Variants in EPHA5 observed in about 807,000 individuals in gnomAD.
EPHA5 encodes the protein ephrin type-A receptor 5.
EPHA5 carries 60 observed loss-of-function variants against 105.0 expected under a neutral mutation model. The observed-to-expected ratio is 0.57, with a 90% CI of 0.46 to 0.71. EPHA5 has a LOEUF of 0.71. Ranked by LOEUF, EPHA5 falls within the 30% of genes least tolerant of loss-of-function variation. The pLI is 0.00. For synonymous variants in EPHA5, 513 were observed against 449.1 expected (o/e 1.14, Z -1.80); for missense variants, 1,218 against 1,274.7 (o/e 0.96, Z 0.68).
intron 1 of EPHA5, 91 bp from the exon 2 acceptor site, chr4:65,643,518 G>C: frequency 9.5e-7 from 1 of 1,057,150 alleles, no homozygotes. Flanking sequence ...ATTGCATGTT[G>C]TTTACATAAC....
chr4:65,581,852 C>G (rs1168762759), intron 3 of EPHA5, among the ~76,000 whole-genome samples: 6 of 151,630 alleles, frequency 4.0e-5, no homozygotes, highest in Admixed American at 4.0e-4. Context: ...GAGTTTTAAC[C>G]ATGTTTTATT....
intron 3 of EPHA5, among the ~76,000 whole-genome samples, chr4:65,540,951 G>C (rs1366990961): frequency 6.6e-6 from 1 of 150,982 alleles, no homozygotes; most frequent in Non-Finnish European, 1.5e-5. Flanking sequence ...AATGCTTTTG[G>C]ACAAAGAAAA....
At chr4:65,617,185 A>G (rs1457815188) in intron 2 of EPHA5, among the ~76,000 whole-genome samples, 2 of 152,166 alleles carry the variant, frequency 1.3e-5, no homozygotes, top group Admixed American at 1.3e-4. Context: ...TTAGTGAAAT[A>G]CCATATCATA....
chr4:65,528,442 C>T (rs11947260), intron 3 of EPHA5, among the ~76,000 whole-genome samples: 37,578 of 151,806 alleles, frequency 0.25, 4,814 homozygotes, highest in African/African-American at 0.3. Flanking sequence ...TCTTCCTCCG[C>T]CCTCCTCCTA....
intron 3 of EPHA5, among the ~76,000 whole-genome samples, chr4:65,529,520 C>CA (rs527908211): frequency 1.6e-4 from 25 of 151,686 alleles, no homozygotes; most frequent in African/African-American, 5.8e-4. Context: ...AAAAAAACAA[C>CA]AAAAAAAGAA....
At chr4:65,561,505 C>A (rs971306209) in intron 3 of EPHA5, among the ~76,000 whole-genome samples, 2 of 152,094 alleles carry the variant, frequency 1.3e-5, no homozygotes, top group Non-Finnish European at 2.9e-5. Flanking sequence ...GCTTAGCTGG[C>A]AGCTGTGTTT....
At chr4:65,454,228 C>T (rs764665899) in intron 5 of EPHA5, among the ~76,000 whole-genome samples, 30 of 151,978 alleles carry the variant, frequency 2.0e-4, no homozygotes, top group Non-Finnish European at 3.7e-4. Context: ...TGCAGTGAGT[C>T]GAGTTCGTGC....
intron 3 of EPHA5, among the ~76,000 whole-genome samples, chr4:65,508,893 T>G (rs1057232526): frequency 1.3e-5 from 2 of 152,142 alleles, no homozygotes; most frequent in Middle Eastern, 6.3e-3. Context: ...AATATAAATA[T>G]AGTACAGGAA....
chr4:65,599,552 T>C (rs1743510499), intron 3 of EPHA5, among the ~76,000 whole-genome samples: 1 of 152,134 alleles, frequency 6.6e-6, no homozygotes, highest in Admixed American at 6.5e-5. Flanking sequence ...TCACATACCA[T>C]TTGTACATAG....
intron 8 of EPHA5, among the ~76,000 whole-genome samples, chr4:65,400,189 T>A (rs1377900406): frequency 6.6e-6 from 1 of 152,124 alleles, no homozygotes; most frequent in African/African-American, 2.4e-5. Context: ...ATATAAGAGA[T>A]AAACTCTACA....
intron 5 of EPHA5, among the ~76,000 whole-genome samples, chr4:65,466,985 G>A (rs1431047664): frequency 2.0e-5 from 3 of 152,140 alleles, no homozygotes; most frequent in Non-Finnish European, 4.4e-5. Flanking sequence ...GGAACAGAAA[G>A]CAAGAAATGA....
intron 5 of EPHA5, among the ~76,000 whole-genome samples, chr4:65,486,798 A>G (rs1273542698): frequency 6.6e-6 from 1 of 152,268 alleles, no homozygotes; most frequent in Non-Finnish European, 1.5e-5. Flanking sequence ...TGCAGAGATT[A>G]TAACAGTGAT....
intron 1 of EPHA5, among the ~76,000 whole-genome samples, chr4:65,657,512 C>A (rs1353195353): frequency 6.6e-6 from 1 of 152,096 alleles, no homozygotes; most frequent in African/African-American, 2.4e-5. Context: ...ATACGTCTAG[C>A]AAATCTAAAA....
chr4:65,647,208 T>G (rs10012453), intron 1 of EPHA5, among the ~76,000 whole-genome samples: 2 of 151,048 alleles, frequency 1.3e-5, no homozygotes, highest in East Asian at 3.9e-4. Context: ...GGGTGCCTGT[T>G]GTCCCAGCTA....
chr4:65,576,718 A>G (rs1000437712), intron 3 of EPHA5, among the ~76,000 whole-genome samples: 1 of 152,210 alleles, frequency 6.6e-6, no homozygotes, highest in African/African-American at 2.4e-5. Context: ...GTTACCTATC[A>G]CAGACTTTGT....
At chr4:65,531,112 A>G (rs1487164049) in intron 3 of EPHA5, among the ~76,000 whole-genome samples, 1 of 150,226 alleles carries the variant, frequency 6.7e-6, no homozygotes, top group Non-Finnish European at 1.5e-5. Flanking sequence ...ATCTCGGCTC[A>G]CTGCAAGCTC....
At chr4:65,568,318 C>T (rs1174812070) in intron 3 of EPHA5, among the ~76,000 whole-genome samples, 2 of 151,278 alleles carry the variant, frequency 1.3e-5, no homozygotes, top group East Asian at 3.9e-4. Flanking sequence ...TTTTTTGACA[C>T]CTAACACAAT....
intron 1 of EPHA5, among the ~76,000 whole-genome samples, chr4:65,664,971 C>G (rs1169278437): frequency 6.6e-6 from 1 of 151,610 alleles, no homozygotes; most frequent in Non-Finnish European, 1.5e-5. Flanking sequence ...TAAGTAGGTA[C>G]CCCTGCTAAC....
At chr4:65,631,647 T>C (rs949790962) in intron 2 of EPHA5, among the ~76,000 whole-genome samples, 1 of 149,398 alleles carries the variant, frequency 6.7e-6, no homozygotes, top group Non-Finnish European at 1.5e-5. Flanking sequence ...TCATACTTTC[T>C]TGAGGAAGTA....
Sources: gnomAD v4.1 joint callset for allele counts (sites outside exome capture counted in the v4.1 genomes callset) on GRCh38, gnomAD v4.1.1 for gene constraint, MANE v1.5 for transcripts, NCBI Gene and HGNC (gene_info 2026-07-23, HGNC 2026-07-21) for gene names.